Variants in PON2 observed in about 807,000 individuals in gnomAD.
The protein encoded by PON2 is serum paraoxonase/arylesterase 2.
In PON2, 27 loss-of-function variants were observed where a neutral mutation model predicts 36.6. The ratio of observed to expected loss-of-function variants is 0.74; its 90% CI spans 0.54 to 1.02. PON2 has a LOEUF of 1.02. Ranked by LOEUF, PON2 falls within the 50% of genes least tolerant of loss-of-function variation. The probability of loss-of-function intolerance (pLI) is 0.00; values close to 1 mark genes in which losing one functional copy is unlikely to be tolerated. For missense variants in PON2, 363 were observed against 421.1 expected (o/e 0.86, Z 1.21); for synonymous variants, 149 against 156.3 (o/e 0.95, Z 0.35).
intron 1 of PON2, among the ~76,000 whole-genome samples, chr7:95,432,272 T>C (rs191516652): frequency 9.9e-5 from 15 of 152,248 alleles, no homozygotes; most frequent in Middle Eastern, 3.4e-3. Flanking sequence ...TAGCTGGGCA[T>C]GGTAGCATGC....
intron 8 of PON2, 82 bp from the exon 9 acceptor site, chr7:95,405,570 A>G (rs937812279): frequency 7.5e-7 from 1 of 1,331,334 alleles, no homozygotes; most frequent in Non-Finnish European, 1.1e-6. Flanking sequence ...GTTTTCCACA[A>G]TGACACACTG....
intron 3 of PON2, chr7:95,415,916 C>T (rs937628933): frequency 1.8e-5 from 6 of 328,686 alleles, no homozygotes; most frequent in African/African-American, 1.1e-4. Context: ...CATGCCACTG[C>T]ACTCCAGCCG....
At position 95,406,140 on chromosome 7, in the gene PON2, C is replaced by T. The variant is rs778196758; in HGVS notation, c.885G>A (p.Pro295=). ...AAACCTCTGACGAGGGAGGATTGTTCGGGTCATACACGAAGAGCTTCTGGC... is the reference window on the plus strand; with the variant it reads ...AAACCTCTGACGAGGGAGGATTGTTTGGGTCATACACGAAGAGCTTCTGGC... ...PNGQKLFVYD[P]NNPPSSEVLR... is the part of the protein sequence containing the mutation. The change falls in exon 8 of 9, where the codon CCG becomes CCA. Residue 295 remains proline, a synonymous_variant. Coordinates refer to ENST00000222572, the MANE Select transcript of PON2 (RefSeq NM_000305.3). The T allele has an allele frequency of 2.6e-5, 42 of 1,613,628 alleles. No individual in the cohort carries two copies. Among genetic ancestry groups the T allele is most frequent in the Middle Eastern group, 1.6e-4 (1 of 6,080 alleles).
At chr7:95,433,714 G>C (rs1238669737) in intron 1 of PON2, among the ~76,000 whole-genome samples, 1 of 152,144 alleles carries the variant, frequency 6.6e-6, no homozygotes, top group Non-Finnish European at 1.5e-5. Context: ...CCATTTGCTA[G>C]TCTTCCAACT....
chr7:95,424,605 AC>A lies in PON2; in HGVS notation c.75-21del, dbSNP rs1354626962. On this transcript the variant is annotated intron_variant, in intron 1 of 8. Transcript: ENST00000222572. The stretch of plus-strand genomic sequence containing the variant: ...CGATTTCTGTTACAAAGAAAAAAAA[AC>A]AAAAAACAAAAAACTATTTGTTTAT... The A allele has an allele frequency of 3.8e-6, 6 of 1,580,600 alleles. No individual in the cohort carries two copies. In the Admixed American group the frequency reaches 8.4e-5, roughly 22 times the overall value.
In PON2 at chr7:95,405,177, C is replaced by T. The variant is rs1023341924; in HGVS notation, c.*153G>A. On this transcript the variant is annotated 3_prime_UTR_variant, in exon 9 of 9. Transcript: ENST00000222572. ...ATTTTCCTTTTTTGTTAAAAGTGCT[C>T]TAAGAACTAAAAGGGCCGTTCCTTA... The T allele has an allele frequency of 1.3e-6, 1 of 780,728 alleles. No individual in the cohort carries two copies. 48.4% of individuals were successfully genotyped at this position (780,728 alleles called of 1,614,324 possible). A position where few individuals can be genotyped will look rare whatever the true frequency, so the allele number is the denominator to read the frequency against.
At position 95,406,149 on chromosome 7, in the gene PON2, CA is replaced by C; in HGVS notation, c.875del (p.Val292GlyfsTer25). On this transcript the variant is annotated frameshift_variant, in exon 8 of 9. Transcript: ENST00000222572. LOFTEE classifies it high-confidence loss of function. ...ACGAGGGAGGATTGTTCGGGTCATA[CA>C]CGAAGAGCTTCTGGCCATTAGGATG... ...GCHPNGQKLF[V>X]YDPNNPPSSE... The C allele has an allele frequency of 6.2e-7, 1 of 1,613,826 alleles. No homozygotes were observed.
intron 1 of PON2, among the ~76,000 whole-genome samples, chr7:95,426,661 CAGT>C (rs1186270639): frequency 6.6e-6 from 1 of 152,186 alleles, no homozygotes; most frequent in Non-Finnish European, 1.5e-5. Context: ...CTATAGGTGT[CAGT>C]CTTCTTTATG....
chr7:95,420,540 A>T (rs1344310361), intron 2 of PON2, among the ~76,000 whole-genome samples: 1 of 152,218 alleles, frequency 6.6e-6, no homozygotes, highest in Non-Finnish European at 1.5e-5. Context: ...ATCCTGTATG[A>T]TATGTAGTCA....
intron 2 of PON2, among the ~76,000 whole-genome samples, chr7:95,420,894 TA>T (rs1281558414): frequency 6.6e-6 from 1 of 152,096 alleles, no homozygotes; most frequent in East Asian, 1.9e-4. Context: ...TAAAGATATA[TA>T]ACCAAAAGTT....
At chr7:95,423,829 A>G (rs1200747218) in intron 2 of PON2, among the ~76,000 whole-genome samples, 1 of 152,086 alleles carries the variant, frequency 6.6e-6, no homozygotes, top group Non-Finnish European at 1.5e-5. Context: ...GAAACTTACA[A>G]TCTTGGTGGA....
intron 1 of PON2, among the ~76,000 whole-genome samples, chr7:95,427,345 C>CT (rs1789339527): frequency 1.3e-5 from 2 of 152,260 alleles, no homozygotes; most frequent in African/African-American, 4.8e-5. Flanking sequence ...AACCCCCTTT[C>CT]TTTCTCCCTT....
At chr7:95,431,603 A>T (rs1789443720) in intron 1 of PON2, among the ~76,000 whole-genome samples, 1 of 151,920 alleles carries the variant, frequency 6.6e-6, no homozygotes, top group Non-Finnish European at 1.5e-5. Context: ...TATTTTTATT[A>T]GAGACGGGGT....
chr7:95,434,974 C>T lies in PON2; in HGVS notation c.-23G>A, dbSNP rs1450144677. On this transcript the variant is annotated 5_prime_UTR_variant, in exon 1 of 9. Coordinates refer to ENST00000222572, the MANE Select transcript of PON2 (RefSeq NM_000305.3). ...CATGGCGCGGGAGCCGGGCGCGCTG[C>T]CTCGCTCCGGCCTGGCCAGCAGCTC... The T allele has an allele frequency of 1.3e-6, 2 of 1,518,910 alleles. No individual in the cohort carries two copies. The highest frequency in any genetic ancestry group is 2.0e-5 in the Admixed American group (1 of 49,516). The allele number at this position is 1,518,910 out of a possible 1,614,324, so 94.1% of individuals were successfully genotyped here. A position where few individuals can be genotyped will look rare whatever the true frequency, so the allele number is the denominator to read the frequency against.
At chr7:95,411,564 C>T (rs1273496957) in intron 5 of PON2, 89 bp downstream of exon 5, 13 of 1,484,572 alleles carry the variant, frequency 8.8e-6, no homozygotes, top group Admixed American at 6.8e-5. Context: ...TATACATTAG[C>T]GCTTATAAAA....
chr7:95,407,105 C>G (rs750105969), intron 6 of PON2, 37 bp from the exon 7 acceptor site: 12 of 1,295,592 alleles, frequency 9.3e-6, no homozygotes. Context: ...AGCTCCATGC[C>G]AATATAAAGC....
chr7:95,417,682 T>TAC (rs1189105218), intron 2 of PON2, among the ~76,000 whole-genome samples: 1 of 101,988 alleles, frequency 9.8e-6, no homozygotes, highest in African/African-American at 3.9e-5. Context: ...CATACACATG[T>TAC]ACACACAGAC....
At chr7:95,412,512 G>A (rs762102411) in intron 3 of PON2, 35 bp from the exon 4 acceptor site, 3 of 1,599,500 alleles carry the variant, frequency 1.9e-6, no homozygotes. Flanking sequence ...AAATACAAAA[G>A]CTTAAGTATT....
At chr7:95,418,704 T>C (rs1789126736) in intron 2 of PON2, among the ~76,000 whole-genome samples, 1 of 152,254 alleles carries the variant, frequency 6.6e-6, no homozygotes, top group South Asian at 2.1e-4. Flanking sequence ...TGATATACAT[T>C]AATTTCAATA....
Sources: allele counts gnomAD v4.1 joint callset (sites outside exome capture counted in the v4.1 genomes callset), GRCh38; gene constraint gnomAD v4.1.1; transcripts MANE v1.5; gene names NCBI Gene and HGNC (gene_info 2026-07-23, HGNC 2026-07-21).